GRIK4: variants seen among roughly 807,000 people sequenced by gnomAD.
GRIK4 encodes glutamate ionotropic receptor kainate type subunit 4.
A neutral mutation model predicts 104.9 loss-of-function variants in GRIK4; 40 were observed. The ratio of observed to expected loss-of-function variants is 0.38; its 90% CI spans 0.30 to 0.50. The LOEUF (loss-of-function observed/expected upper bound fraction) is 0.50, where lower values mean the gene tolerates loss of function less well. GRIK4 is among the 20% of genes least tolerant of loss of function. The probability of loss-of-function intolerance (pLI) is 0.93; values close to 1 mark genes in which losing one functional copy is unlikely to be tolerated. For missense variants in GRIK4, 1,047 were observed against 1,308.1 expected (o/e 0.80, Z 3.08); for synonymous variants, 485 against 524.9 (o/e 0.92, Z 1.04).
chr11:120,519,684 C>T (rs547705922), intron 1 of GRIK4, among the ~76,000 whole-genome samples: 11 of 152,212 alleles, frequency 7.2e-5, no homozygotes, highest in African/African-American at 2.2e-4. Context: ...ATTCATTAGC[C>T]CAAAGTCCCA....
chr11:120,824,115 C>T (rs535546073), intron 6 of GRIK4, among the ~76,000 whole-genome samples: 30 of 152,174 alleles, frequency 2.0e-4, no homozygotes, highest in Non-Finnish European at 3.5e-4. Context: ...TTAGGCATAA[C>T]GGAGATAATT....
chr11:120,588,234 T>C, intron 1 of GRIK4, among the ~76,000 whole-genome samples: 1 of 152,158 alleles, frequency 6.6e-6, no homozygotes, highest in African/African-American at 2.4e-5. Context: ...CCCTCTGGTT[T>C]CTCAGTACCC....
chr11:120,753,297 CTG>C (rs57423619), intron 3 of GRIK4, among the ~76,000 whole-genome samples: 6,625 of 130,092 alleles, frequency 0.051, 164 homozygotes, highest in African/African-American at 0.073. Context: ...CAACACAACT[CTG>C]TGTGTGTGTG....
At chr11:120,675,050 T>C (rs1441674182) in intron 3 of GRIK4, among the ~76,000 whole-genome samples, 1 of 152,272 alleles carries the variant, frequency 6.6e-6, no homozygotes, top group Non-Finnish European at 1.5e-5. Context: ...TAGAGTCAAT[T>C]TGGAAAACCT....
chr11:120,745,652 T>G (rs1951425551), intron 3 of GRIK4, among the ~76,000 whole-genome samples: 1 of 152,224 alleles, frequency 6.6e-6, no homozygotes, highest in South Asian at 2.1e-4. Flanking sequence ...TTGTTGACCT[T>G]GAGAAATGAG....
chr11:120,876,988 T>C (rs1160815881), intron 11 of GRIK4, among the ~76,000 whole-genome samples: 1 of 152,140 alleles, frequency 6.6e-6, no homozygotes, highest in Non-Finnish European at 1.5e-5. Context: ...TAGAGTCCAG[T>C]GGAGTTCTTT....
chr11:120,622,306 C>T (rs183548433), intron 1 of GRIK4, among the ~76,000 whole-genome samples: 151 of 152,286 alleles, frequency 9.9e-4, no homozygotes, highest in African/African-American at 3.6e-3. Context: ...ATTACTACCC[C>T]CATTTTTCAG....
intron 3 of GRIK4, among the ~76,000 whole-genome samples, chr11:120,677,450 A>G (rs1387563399): frequency 2.6e-5 from 2 of 75,606 alleles, no homozygotes; most frequent in Non-Finnish European, 6.5e-5. Flanking sequence ...GAGTACTGCT[A>G]TGTGTGAAGA....
chr11:120,678,088 C>T (rs1233035486), intron 3 of GRIK4, among the ~76,000 whole-genome samples: 3 of 152,170 alleles, frequency 2.0e-5, no homozygotes, highest in African/African-American at 7.2e-5. Context: ...CTGCTGTGCT[C>T]CCCTCTGCAG....
chr11:120,643,403 G>A (rs1159514700), intron 1 of GRIK4, among the ~76,000 whole-genome samples: 1 of 152,166 alleles, frequency 6.6e-6, no homozygotes, highest in Non-Finnish European at 1.5e-5. Flanking sequence ...TGCAGGGTGT[G>A]CCTGAGGCAC....
At chr11:120,945,509 A>G (rs1469547097) in intron 14 of GRIK4, among the ~76,000 whole-genome samples, 7 of 152,230 alleles carry the variant, frequency 4.6e-5, no homozygotes, top group African/African-American at 1.4e-4. Context: ...AGGGCAGGCC[A>G]TAAATCCAGT....
chr11:120,917,247 C>CAAAAAAAAAAAAAAAAAAAAAAAAAAAA (rs199620498), intron 13 of GRIK4, among the ~76,000 whole-genome samples: 3 of 34,798 alleles, frequency 8.6e-5, no homozygotes, highest in African/African-American at 1.1e-4. Flanking sequence ...AACTCCGTCT[C>CAAAAAAAAAAAAAAAAAAAAAAAAAAAA]AAAAAAAAAA....
At chr11:120,943,152 C>CACACACACACACACACACA (rs1413495598) in intron 14 of GRIK4, among the ~76,000 whole-genome samples, 64 of 95,510 alleles carry the variant, frequency 6.7e-4, no homozygotes, top group East Asian at 4.5e-3. Flanking sequence ...ACACACACAC[C>CACACACACACACACACACA]CCCCTGACTG....
chr11:120,881,718 A>C (rs1240984712), intron 11 of GRIK4, among the ~76,000 whole-genome samples: 1 of 152,136 alleles, frequency 6.6e-6, no homozygotes, highest in Non-Finnish European at 1.5e-5. Flanking sequence ...GCCTCTCTTT[A>C]ATCTCCTCTC....
chr11:120,707,532 C>A (rs1950651170), intron 3 of GRIK4, among the ~76,000 whole-genome samples: 1 of 152,190 alleles, frequency 6.6e-6, no homozygotes, highest in South Asian at 2.1e-4. Flanking sequence ...AGGCTGGACT[C>A]CCAGGGCCTA....
chr11:120,956,546 T>TG lies in GRIK4; in HGVS notation c.1701-229dup, dbSNP rs1383696931. Among the ~76,000 whole-genome samples, 3 of 152,252 alleles carry TG rather than the reference T, an allele frequency of 2.0e-5. No homozygotes were observed. In the East Asian group the frequency reaches 5.8e-4, roughly 29 times the overall value. ...TTTGGAGTTCCACATCAGAATTTAT[T>TG]GGGGGTAAAAATGTCTCTTTGATTA... On this transcript the variant is annotated intron_variant, in intron 15 of 20. Transcript: ENST00000527524. The surrounding 1 kb of genome is among the most constrained non-coding windows in gnomAD (Gnocchi z 4.6).
rs903182795 is a variant in GRIK4, at chr11:120,902,435, A to C, written c.1273-2855A>C. Among the ~76,000 whole-genome samples the C allele has an allele frequency of 3.3e-5, 5 of 152,124 alleles. No homozygotes were observed. The highest frequency in any genetic ancestry group is 3.3e-4 in the Admixed American group (5 of 15,278). On this transcript the variant is annotated intron_variant, in intron 12 of 20. Coordinates refer to ENST00000527524, the MANE Select transcript of GRIK4 (RefSeq NM_014619.5). The surrounding 1 kb of genome is among the most constrained non-coding windows in gnomAD (Gnocchi z 4.5). ...ACTTTGAATATGTCAATAAGTTTTA[A>C]ATTAACTTGAGAGTAGTGAGTATTT...
rs557611245 is a variant in GRIK4 at position 120,923,659 on chromosome 11, C to G, written c.1477-16688C>G. On this transcript the variant is annotated intron_variant, in intron 13 of 20. Coordinates refer to ENST00000527524, the MANE Select transcript of GRIK4 (RefSeq NM_014619.5). ...CGATCTCCTGACCTCGTGATCCGCCCGGCTCGGCCTCCCAAAGTGCTGGGA... is the reference window on the plus strand; with the variant it reads ...CGATCTCCTGACCTCGTGATCCGCCGGGCTCGGCCTCCCAAAGTGCTGGGA... Among the ~76,000 whole-genome samples, 6 of 152,184 alleles carry G rather than the reference C, an allele frequency of 3.9e-5. No individual in the cohort carries two copies. In the East Asian group the frequency reaches 9.7e-4, roughly 25 times the overall value.
chr11:120,872,825 T>G (rs1295916077), intron 9 of GRIK4: 1 of 156,184 alleles, frequency 6.4e-6, no homozygotes, highest in East Asian at 1.8e-4. Flanking sequence ...TATCTCCTCC[T>G]TAGATGGCAC....
Sources: gnomAD v4.1 joint callset for allele counts (sites outside exome capture counted in the v4.1 genomes callset) on GRCh38, gnomAD v4.1.1 for gene constraint, Gnocchi (gnomAD v3.1) non-coding constraint, MANE v1.5 for transcripts, NCBI Gene and HGNC (gene_info 2026-07-23, HGNC 2026-07-21) for gene names.